DLGAP2: variants seen among roughly 807,000 people sequenced by gnomAD.
The protein encoded by DLGAP2 is DLG associated protein 2.
DLGAP2 carries 26 observed loss-of-function variants against 100.3 expected under a neutral mutation model. That is an observed-to-expected ratio of 0.26 (90% CI 0.19 to 0.36). DLGAP2 has a LOEUF of 0.36. Among genes scored for constraint, DLGAP2 ranks in the 10% least tolerant of loss-of-function variants. DLGAP2 has a pLI of 1.00. For missense variants in DLGAP2, 1,858 were observed against 1,453.2 expected (o/e 1.28, Z -4.53); for synonymous variants, 886 against 630.1 (o/e 1.41, Z -6.08).
At chr8:1,368,206 G>C (rs973517239) in intron 3 of DLGAP2, among the ~76,000 whole-genome samples, 1 of 152,040 alleles carries the variant, frequency 6.6e-6, no homozygotes, top group Non-Finnish European at 1.5e-5. Context: ...GTACGTGTGT[G>C]TCCATATATC....
At chr8:1,482,156 C>T (rs1799117042) in intron 3 of DLGAP2, among the ~76,000 whole-genome samples, 1 of 152,224 alleles carries the variant, frequency 6.6e-6, no homozygotes, top group Non-Finnish European at 1.5e-5. Context: ...AGGAATCACA[C>T]AGTTATGTCA....
At chr8:846,715 T>C (rs1476369659) in intron 1 of DLGAP2, among the ~76,000 whole-genome samples, 1 of 152,156 alleles carries the variant, frequency 6.6e-6, no homozygotes, top group African/African-American at 2.4e-5. Context: ...CTTGATACTG[T>C]TTTCCATTCC....
At chr8:1,587,002 C>A (rs982326268) in intron 6 of DLGAP2, among the ~76,000 whole-genome samples, 3 of 152,160 alleles carry the variant, frequency 2.0e-5, no homozygotes, top group Non-Finnish European at 4.4e-5. Context: ...TACCCATAAT[C>A]TATGCATAGT....
chr8:1,136,024 G>A (rs1796403009), intron 2 of DLGAP2, among the ~76,000 whole-genome samples: 1 of 152,194 alleles, frequency 6.6e-6, no homozygotes, highest in South Asian at 2.1e-4. Flanking sequence ...AAGTCAAGAA[G>A]CTCATTCTCT....
intron 11 of DLGAP2, 125 bp downstream of exon 11, chr8:1,676,743 G>C (rs908148974): frequency 3.3e-5 from 30 of 920,460 alleles, no homozygotes; most frequent in Non-Finnish European, 4.4e-5. Flanking sequence ...AGGGCCATAC[G>C]TTTATACTTT....
chr8:1,082,414 G>C (rs1242228973), intron 2 of DLGAP2, among the ~76,000 whole-genome samples: 1 of 152,120 alleles, frequency 6.6e-6, no homozygotes, highest in Non-Finnish European at 1.5e-5. Context: ...GCTAAGGGTG[G>C]GGGCAGCCAA....
chr8:1,108,068 G>GA (rs1804834520), intron 2 of DLGAP2, among the ~76,000 whole-genome samples: 2 of 152,006 alleles, frequency 1.3e-5, no homozygotes, highest in East Asian at 1.9e-4. Context: ...TTGCTTTTTT[G>GA]AAAAAATGGT....
intron 1 of DLGAP2, among the ~76,000 whole-genome samples, chr8:876,741 C>CCTCCT (rs1563074867): frequency 6.6e-6 from 1 of 152,074 alleles, no homozygotes; most frequent in Non-Finnish European, 1.5e-5. Context: ...CTTTCTCTTA[C>CCTCCT]CTCCTTCTGA....
At chr8:1,368,200 G>C (rs1276958309) in intron 3 of DLGAP2, among the ~76,000 whole-genome samples, 1 of 150,820 alleles carries the variant, frequency 6.6e-6, no homozygotes, top group African/African-American at 2.4e-5. Context: ...GTGTGTGTAC[G>C]TGTGTGTCCA....
intron 2 of DLGAP2, among the ~76,000 whole-genome samples, chr8:984,141 T>A (rs1800420942): frequency 6.6e-6 from 1 of 152,154 alleles, no homozygotes; most frequent in Non-Finnish European, 1.5e-5. Context: ...AAAGTAAGTA[T>A]TTTAAAAATC....
chr8:1,330,780 G>C (rs1801137774), intron 3 of DLGAP2, among the ~76,000 whole-genome samples: 1 of 142,332 alleles, frequency 7.0e-6, no homozygotes, highest in Non-Finnish European at 1.5e-5. Flanking sequence ...ACCGAGTTCT[G>C]GGTGGGAGCA....
chr8:1,039,989 G>A (rs1338416622), intron 2 of DLGAP2, among the ~76,000 whole-genome samples: 10 of 142,970 alleles, frequency 7.0e-5, no homozygotes, highest in Non-Finnish European at 1.1e-4. Context: ...GGTGTGCATG[G>A]TCTGCTCAGT....
At chr8:1,098,195 T>C (rs1016436419) in intron 2 of DLGAP2, among the ~76,000 whole-genome samples, 5 of 152,216 alleles carry the variant, frequency 3.3e-5, no homozygotes, top group African/African-American at 1.2e-4. Context: ...AGTCCCGGCG[T>C]CCTCTGCGTA....
chr8:1,502,442 T>A (rs1199808662), intron 4 of DLGAP2, among the ~76,000 whole-genome samples: 1 of 152,176 alleles, frequency 6.6e-6, no homozygotes, highest in Admixed American at 6.5e-5. Flanking sequence ...CCAAAAAGTG[T>A]TTGCTTTTCA....
In DLGAP2 at chr8:1,548,955, TCGCACTACGACA is replaced by T; in HGVS notation, c.506_517del (p.His169_Thr172del). Reference sequence around the variant, plus strand: ...CACCTTCCCGCGGATGCACTACAGCTCGCACTACGACACGCGCGACGACTGCGCTGTGGCCCA... The same window carrying T: ...CACCTTCCCGCGGATGCACTACAGCTCGCGCGACGACTGCGCTGTGGCCCA... On this transcript the variant is annotated inframe_deletion, in exon 5 of 15. Coordinates refer to ENST00000637795, the MANE Select transcript of DLGAP2 (RefSeq NM_001346810.2). 6.3e-7 allele frequency: 1 copy of T among 1,598,972 alleles called. No homozygotes were observed. Among genetic ancestry groups the T allele is most frequent in the Non-Finnish European group, 8.5e-7 (1 of 1,179,446 alleles).
chr8:1,531,462 T>A (rs11136405), intron 4 of DLGAP2, among the ~76,000 whole-genome samples: 49,451 of 151,948 alleles, frequency 0.33, 8,402 homozygotes, highest in Middle Eastern at 0.53. Context: ...TTTTCAGCTA[T>A]TTGGTATTAA....
chr8:1,309,218 T>G (rs1429754898), intron 3 of DLGAP2, among the ~76,000 whole-genome samples: 1 of 152,110 alleles, frequency 6.6e-6, no homozygotes, highest in Non-Finnish European at 1.5e-5. Flanking sequence ...ACATCCAAAA[T>G]TTGAGGAAAG....
intron 2 of DLGAP2, among the ~76,000 whole-genome samples, chr8:930,512 T>C (rs1798930828): frequency 6.6e-6 from 1 of 152,262 alleles, no homozygotes; most frequent in Admixed American, 6.5e-5. Flanking sequence ...GGAGGGGACT[T>C]CAATGCTGAG....
intron 3 of DLGAP2, among the ~76,000 whole-genome samples, chr8:1,287,982 T>C (rs1300082133): frequency 1.6e-3 from 80 of 49,288 alleles, no homozygotes; most frequent in Admixed American, 2.3e-3. Context: ...CTAGTTTCGG[T>C]TGAGTGTGTG....
Sources: allele counts gnomAD v4.1 joint callset (sites outside exome capture counted in the v4.1 genomes callset), GRCh38; gene constraint gnomAD v4.1.1; transcripts MANE v1.5; gene names NCBI Gene and HGNC (gene_info 2026-07-23, HGNC 2026-07-21).